The following FARP2 variants were observed in gnomAD, a reference collection of about 807,000 sequenced individuals.
The protein encoded by FARP2 is FERM, ARH/RhoGEF and pleckstrin domain protein 2.
Under a neutral mutation model 130.5 loss-of-function variants are expected in FARP2, and 111 were observed. That is an observed-to-expected ratio of 0.85 (90% CI 0.73 to 1.00). FARP2 has a LOEUF of 1.00. FARP2 is among the 50% of genes least tolerant of loss of function. The pLI, the probability that FARP2 is intolerant of heterozygous loss-of-function variation, is 0.00. For missense variants in FARP2, 1,385 were observed against 1,346.3 expected, an observed-to-expected ratio of 1.03 and a Z score of -0.45; for synonymous variants, 504 against 516.9, an observed-to-expected ratio of 0.98 and a Z score of 0.34.
rs1183444079 is a variant in FARP2 at position 241,475,300 on chromosome 2, G to T, written c.2132-557G>T. ...CTGCAGGAGCAGGCGCCTGGTGGCTGCACATAGTAGGCAGCAGTCCTATAA... is the reference window on the plus strand; with the variant it reads ...CTGCAGGAGCAGGCGCCTGGTGGCTTCACATAGTAGGCAGCAGTCCTATAA... On this transcript the variant is annotated intron_variant, in intron 18 of 26. Transcript: ENST00000264042. This position sits in a 1 kb window ranked among gnomAD's most constrained non-coding sequence, Gnocchi z 4.4. 6.6e-6 allele frequency among the ~76,000 whole-genome samples: 1 copy of T among 152,224 alleles called. No homozygotes were observed. Among genetic ancestry groups the T allele is most frequent in the African/African-American group, 2.4e-5 (1 of 41,452 alleles).
intron 2 of FARP2, among the ~76,000 whole-genome samples, chr2:241,393,349 A>C (rs2150331718): frequency 6.6e-6 from 1 of 152,244 alleles, no homozygotes; most frequent in East Asian, 1.9e-4. Context: ...AATTTGGAGT[A>C]GAAGTTTGGT....
intron 2 of FARP2, among the ~76,000 whole-genome samples, chr2:241,396,425 A>G (rs1391298159): frequency 1.8e-4 from 27 of 152,218 alleles, no homozygotes; most frequent in African/African-American, 5.3e-4. Context: ...AAATTTTCAC[A>G]ACCTACTCAT....
chr2:241,404,905 A>G, intron 4 of FARP2, 64 bp downstream of exon 4: 1 of 1,257,514 alleles, frequency 8.0e-7, no homozygotes, highest in Non-Finnish European at 1.2e-6. Context: ...GGAATGTTTA[A>G]AAGGCATGTT....
intron 2 of FARP2, 54 bp from the exon 3 acceptor site, chr2:241,403,774 C>A: frequency 1.8e-6 from 2 of 1,097,570 alleles, no homozygotes; most frequent in South Asian, 1.4e-5. Context: ...TTTCATAAAC[C>A]CTTGCTGTTT....
chr2:241,456,719 C>T (rs1408616140), intron 13 of FARP2, 28 bp from the exon 14 acceptor site: 3 of 1,613,182 alleles, frequency 1.9e-6, no homozygotes, highest in Admixed American at 1.7e-5. Context: ...TCATTTCTCG[C>T]TCCATCCCCC....
intron 1 of FARP2, chr2:241,372,518 GC>G (rs1193568523): frequency 6.6e-6 from 1 of 152,196 alleles, no homozygotes; most frequent in East Asian, 1.9e-4. Flanking sequence ...AGCTGGAGTA[GC>G]CCTTTACTCC....
intron 14 of FARP2, among the ~76,000 whole-genome samples, chr2:241,457,123 T>C (rs990697623): frequency 6.6e-6 from 1 of 152,218 alleles, no homozygotes; most frequent in Non-Finnish European, 1.5e-5. Flanking sequence ...TTTCCTCTTA[T>C]CTCTGGGACT....
At chr2:241,406,289 C>CAGAG (rs756241516) in intron 4 of FARP2, among the ~76,000 whole-genome samples, 1 of 151,790 alleles carries the variant, frequency 6.6e-6, no homozygotes, top group East Asian at 1.9e-4. Flanking sequence ...GCCTGGGCGA[C>CAGAG]AGAGAGAGAC....
chr2:241,427,727 T>C (rs1399364960), intron 8 of FARP2, among the ~76,000 whole-genome samples: 1 of 152,100 alleles, frequency 6.6e-6, no homozygotes, highest in Non-Finnish European at 1.5e-5. Context: ...GCCCACTTCT[T>C]GGGAGGGCTT....
At chr2:241,483,063 C>T (rs2064658031) in intron 19 of FARP2, among the ~76,000 whole-genome samples, 1 of 152,076 alleles carries the variant, frequency 6.6e-6, no homozygotes, top group Admixed American at 6.6e-5. Context: ...GGAGAACCCT[C>T]CTTTCCTCCT....
chr2:241,411,401 T>C (rs559745700), intron 6 of FARP2, among the ~76,000 whole-genome samples: 2 of 152,344 alleles, frequency 1.3e-5, no homozygotes, highest in South Asian at 4.1e-4. Context: ...ATTTATGCCT[T>C]TGTGCATTTT....
intron 1 of FARP2, among the ~76,000 whole-genome samples, chr2:241,356,906 G>A (rs1022584480): frequency 5.9e-5 from 9 of 152,248 alleles, no homozygotes; most frequent in Non-Finnish European, 4.4e-5. Flanking sequence ...TTAAAGGTGG[G>A]AATCAAGTGT....
At chr2:241,463,587 T>A (rs1574876912) in intron 16 of FARP2, 119 bp downstream of exon 16, 1 of 1,177,664 alleles carries the variant, frequency 8.5e-7, no homozygotes. Flanking sequence ...TGGAGCATAT[T>A]TTTAGGAGCC....
chr2:241,361,028 GAA>G (rs55678832), intron 1 of FARP2, among the ~76,000 whole-genome samples: 48 of 124,622 alleles, frequency 3.9e-4, no homozygotes, highest in South Asian at 5.7e-4. Flanking sequence ...ATTCAAAAAA[GAA>G]AAAAAAAAAA....
At position 241,468,246 on chromosome 2, in the gene FARP2, A is replaced by G; in HGVS notation, c.2000A>G (p.Gln667Arg). The change falls in exon 18 of 27, where the codon CAG becomes CGG. Residue 667 changes from glutamine (Q) to arginine (R), a missense_variant. Physicochemically the swap from Gln to Arg is conservative, Grantham distance 43. Coordinates refer to ENST00000264042, the MANE Select transcript of FARP2 (RefSeq NM_014808.4). ...LEAVYKEFEL[Q>R]KVCYLPLNTF... ...GCAGTGTACAAGGAGTTTGAGCTGC[A>G]GAAGGTCTGCTACTTGCCTCTCAAC... 2 of 1,614,102 alleles carry G rather than the reference A, an allele frequency of 1.2e-6. No homozygotes were observed. Among genetic ancestry groups the G allele is most frequent in the Non-Finnish European group, 8.5e-7 (1 of 1,179,998 alleles).
intron 12 of FARP2, among the ~76,000 whole-genome samples, chr2:241,438,983 T>A (rs1559770797): frequency 6.6e-6 from 1 of 152,088 alleles, no homozygotes. Flanking sequence ...CAATTGAAAT[T>A]AAAGGGAAAT....
At chr2:241,399,913 T>C (rs993171779) in intron 2 of FARP2, among the ~76,000 whole-genome samples, 1 of 152,226 alleles carries the variant, frequency 6.6e-6, no homozygotes, top group Non-Finnish European at 1.5e-5. Context: ...CATGAAAAGA[T>C]CATCCTCCCT....
At chr2:241,393,039 A>G (rs1449738391) in intron 2 of FARP2, among the ~76,000 whole-genome samples, 1 of 150,664 alleles carries the variant, frequency 6.6e-6, no homozygotes, top group East Asian at 2.0e-4. Flanking sequence ...CTCTTTTTTG[A>G]GATGGAATCT....
chr2:241,362,419 T>C (rs1396634164), intron 1 of FARP2, among the ~76,000 whole-genome samples: 1 of 151,842 alleles, frequency 6.6e-6, no homozygotes, highest in Admixed American at 6.6e-5. Flanking sequence ...CTGGCTAACA[T>C]GGTGAAACCC....
Sources: allele counts gnomAD v4.1 joint callset (sites outside exome capture counted in the v4.1 genomes callset), GRCh38; gene constraint gnomAD v4.1.1; non-coding constraint Gnocchi (gnomAD v3.1); transcripts MANE v1.5; gene names NCBI Gene and HGNC (gene_info 2026-07-23, HGNC 2026-07-21).